Variants in GRK5 observed in about 807,000 individuals in gnomAD.
The protein encoded by GRK5 is G protein-coupled receptor kinase 5.
In GRK5, 40 loss-of-function variants were observed where a neutral mutation model predicts 78.4. The observed-to-expected ratio is 0.51, with a 90% CI of 0.40 to 0.66. The LOEUF (loss-of-function observed/expected upper bound fraction) is 0.66, where lower values mean the gene tolerates loss of function less well. Ranked by LOEUF, GRK5 falls within the 30% of genes least tolerant of loss-of-function variation. The pLI is 0.00. For missense variants in GRK5, 598 were observed against 759.9 expected, an observed-to-expected ratio of 0.79 and a Z score of 2.50; for synonymous variants, 289 against 296.8, an observed-to-expected ratio of 0.97 and a Z score of 0.27.
At chr10:119,324,403 G>A (rs1356195070) in intron 1 of GRK5, among the ~76,000 whole-genome samples, 7 of 152,226 alleles carry the variant, frequency 4.6e-5, no homozygotes, top group Non-Finnish European at 1.0e-4. Flanking sequence ...AAGGCAGGCG[G>A]ATCACTTGAG....
At chr10:119,442,208 CAG>C in intron 11 of GRK5, 120 bp downstream of exon 11, 1 of 795,922 alleles carries the variant, frequency 1.3e-6, no homozygotes. Flanking sequence ...TGATCACACA[CAG>C]AGTCACAGTC....
At chr10:119,409,714 G>GC (rs34247807) in intron 4 of GRK5, among the ~76,000 whole-genome samples, 78,577 of 151,496 alleles carry the variant, frequency 0.52, 21,830 homozygotes, top group Middle Eastern at 0.68. Context: ...CCTGCCCCCT[G>GC]CCCCCCAACC....
chr10:119,339,488 C>T (rs896339862), intron 2 of GRK5, among the ~76,000 whole-genome samples: 3 of 152,192 alleles, frequency 2.0e-5, no homozygotes, highest in South Asian at 2.1e-4. Flanking sequence ...TATTAAACCC[C>T]CTTGTTCTGA....
At chr10:119,220,180 G>C (rs1848636743) in intron 1 of GRK5, among the ~76,000 whole-genome samples, 1 of 152,146 alleles carries the variant, frequency 6.6e-6, no homozygotes, top group South Asian at 2.1e-4. Context: ...TTTATGGATG[G>C]TGCCAAGCCC....
chr10:119,221,986 G>A (rs563697313), intron 1 of GRK5, among the ~76,000 whole-genome samples: 1 of 152,312 alleles, frequency 6.6e-6, no homozygotes, highest in Non-Finnish European at 1.5e-5. Context: ...TTTTGCATGT[G>A]TAAATCAGGC....
At chr10:119,326,636 T>C (rs1439557381) in intron 2 of GRK5, 25 bp downstream of exon 2, 1 of 1,553,000 alleles carries the variant, frequency 6.4e-7, no homozygotes, top group African/African-American at 1.4e-5. Context: ...CTGGGGGCTG[T>C]GCGGGGAGTG....
At position 119,347,413 on chromosome 10, in the gene GRK5, A is replaced by G. The variant is rs1851115002; in HGVS notation, c.148+20802A>G. Among the ~76,000 whole-genome samples the G allele has an allele frequency of 3.3e-5, 5 of 151,542 alleles. No homozygotes were observed. The South Asian group carries it at 1.0e-3, about 32-fold the overall frequency. ...CGAGTGTGCATGTGTGTGCGTGTGT[A>G]TACATGCAAGTTTGTATGTGTCCGT... On this transcript the variant is annotated intron_variant, in intron 2 of 15. Coordinates refer to ENST00000392870, the MANE Select transcript of GRK5 (RefSeq NM_005308.3).
At chr10:119,454,268 C>T (rs1332988159) in intron 15 of GRK5, among the ~76,000 whole-genome samples, 1 of 152,226 alleles carries the variant, frequency 6.6e-6, no homozygotes, top group Admixed American at 6.5e-5. Flanking sequence ...GTCTCACAGA[C>T]CCGGGTTCAA....
chr10:119,261,751 C>G (rs1849406804), intron 1 of GRK5, among the ~76,000 whole-genome samples: 1 of 152,254 alleles, frequency 6.6e-6, no homozygotes, highest in South Asian at 2.1e-4. Flanking sequence ...ATACAAAAAC[C>G]AGTCAGGCGT....
intron 4 of GRK5, 125 bp downstream of exon 4, chr10:119,396,897 C>T: frequency 1.3e-6 from 1 of 757,210 alleles, no homozygotes; most frequent in East Asian, 2.4e-5. Flanking sequence ...TGTTGTTGAC[C>T]TCCTGAGATC....
At chr10:119,298,542 T>C (rs368893853) in intron 1 of GRK5, among the ~76,000 whole-genome samples, 1 of 152,214 alleles carries the variant, frequency 6.6e-6, no homozygotes, top group African/African-American at 2.4e-5. Flanking sequence ...ATAGGTTTTA[T>C]TGCTAGTGTT....
intron 2 of GRK5, among the ~76,000 whole-genome samples, chr10:119,349,744 A>G (rs1425065831): frequency 1.3e-5 from 2 of 152,156 alleles, no homozygotes; most frequent in Non-Finnish European, 2.9e-5. Flanking sequence ...TGAAAGCCGG[A>G]TCTCCCATCC....
intron 2 of GRK5, among the ~76,000 whole-genome samples, chr10:119,329,857 CTTT>C (rs1177940254): frequency 4.5e-5 from 5 of 110,382 alleles, no homozygotes; most frequent in Admixed American, 3.0e-4. Context: ...CAGACACCTA[CTTT>C]TTTTTTTTTT....
rs746016088 is a variant in GRK5 at position 119,333,782 on chromosome 10, C to A, written c.148+7171C>A. The A allele has an allele frequency of 1.7e-5, 9 of 532,946 alleles. No individual in the cohort carries two copies. In the Admixed American group the frequency reaches 1.7e-4, roughly 10 times the overall value. 33.0% of individuals were successfully genotyped at this position (532,946 alleles called of 1,614,324 possible). A position where few individuals can be genotyped will look rare whatever the true frequency, so the allele number is the denominator to read the frequency against. ...CTGTCCACGGGGGAGCTGAGCGGAT[C>A]GCTGATCTCCTGGAGCTCATCCACC... is the stretch of plus-strand genomic sequence containing the variant. On this transcript the variant is annotated intron_variant, in intron 2 of 15. Coordinates refer to ENST00000392870, the MANE Select transcript of GRK5 (RefSeq NM_005308.3).
intron 1 of GRK5, among the ~76,000 whole-genome samples, chr10:119,283,483 G>A (rs1225660804): frequency 2.0e-5 from 3 of 152,254 alleles, no homozygotes; most frequent in Admixed American, 6.5e-5. Flanking sequence ...CAGGGAAGGA[G>A]TGAGACATAC....
intron 12 of GRK5, 25 bp from the exon 13 acceptor site, chr10:119,448,098 G>A (rs1007368494): frequency 6.6e-7 from 1 of 1,521,202 alleles, no homozygotes; most frequent in Non-Finnish European, 8.8e-7. Flanking sequence ...CAGGGGACGT[G>A]GCTTCATGGG....
At chr10:119,437,004 G>A (rs1433470110) in intron 9 of GRK5, among the ~76,000 whole-genome samples, 163 bp downstream of exon 9, 2 of 152,182 alleles carry the variant, frequency 1.3e-5, no homozygotes, top group Non-Finnish European at 2.9e-5. Flanking sequence ...GGAAGCTGGG[G>A]CCTCCGGCAC....
intron 4 of GRK5, among the ~76,000 whole-genome samples, chr10:119,422,232 G>A (rs548713742): frequency 6.6e-6 from 1 of 152,292 alleles, no homozygotes; most frequent in South Asian, 2.1e-4. Flanking sequence ...CCTGGGTGGA[G>A]CTGCCTTCCA....
chr10:119,366,757 G>C (rs767629954), intron 2 of GRK5, among the ~76,000 whole-genome samples: 5 of 152,186 alleles, frequency 3.3e-5, no homozygotes, highest in Non-Finnish European at 7.3e-5. Context: ...TGGACCCCTA[G>C]AGGTTGCCAG....
Sources: allele counts gnomAD v4.1 joint callset (sites outside exome capture counted in the v4.1 genomes callset), GRCh38; gene constraint gnomAD v4.1.1; transcripts MANE v1.5; gene names NCBI Gene and HGNC (gene_info 2026-07-23, HGNC 2026-07-21).